Variants in CHLSN observed in about 807,000 individuals in gnomAD.
CHLSN encodes protein cholesin.
At chr7:1,078,969 G>T in the CHLSN span, among the ~76,000 whole-genome samples, 1 of 68,100 alleles carries the variant, frequency 1.5e-5, no homozygotes, top group Non-Finnish European at 4.6e-5. Context: ...GCCGGCTGAG[G>T]AGGCAGCGAG....
the CHLSN span, chr7:985,257 C>T: frequency 5.2e-6 from 8 of 1,551,812 alleles, no homozygotes; most frequent in East Asian, 4.9e-5. Context: ...ACCGGGACCC[C>T]GTGTTTGTGT....
the CHLSN span, chr7:1,058,321 A>G: frequency 5.1e-6 from 4 of 776,944 alleles, no homozygotes; most frequent in Non-Finnish European, 4.8e-6. Context: ...GTGGACGCAC[A>G]CTACCTGGGG....
At chr7:1,055,721 T>G in the CHLSN span, among the ~76,000 whole-genome samples, 2 of 151,718 alleles carry the variant, frequency 1.3e-5, no homozygotes, top group Non-Finnish European at 2.9e-5. Flanking sequence ...GCCGGCCGGG[T>G]GTGCCCTCCT....
At chr7:1,086,016 C>G in the CHLSN span, among the ~76,000 whole-genome samples, 1 of 152,218 alleles carries the variant, frequency 6.6e-6, no homozygotes, top group African/African-American at 2.4e-5. Context: ...CCGCCCAGTG[C>G]CCACAGGAGA....
chr7:1,136,183 A>G, the CHLSN span, among the ~76,000 whole-genome samples: 1 of 97,730 alleles, frequency 1.0e-5, no homozygotes, highest in Non-Finnish European at 1.7e-5. Flanking sequence ...AATATACATA[A>G]TTATAAATAT....
chr7:1,010,881 T>C, the CHLSN span, among the ~76,000 whole-genome samples: 1 of 151,840 alleles, frequency 6.6e-6, no homozygotes, highest in East Asian at 1.9e-4. Context: ...AGAACATCAG[T>C]GTAGACTCCG....
the CHLSN span, among the ~76,000 whole-genome samples, chr7:1,002,658 T>C: frequency 2.2e-5 from 1 of 44,652 alleles, no homozygotes; most frequent in Non-Finnish European, 4.2e-5. Flanking sequence ...TGCGGGTGAG[T>C]GGAGTCCTGC....
the CHLSN span, among the ~76,000 whole-genome samples, chr7:1,113,450 C>T: frequency 2.3e-4 from 35 of 152,126 alleles, no homozygotes; most frequent in African/African-American, 8.4e-4. Flanking sequence ...AGCAGGTGTG[C>T]GACCCACATG....
the CHLSN span, among the ~76,000 whole-genome samples, chr7:1,030,248 G>A: frequency 5.6e-3 from 853 of 152,188 alleles, 12 homozygotes; most frequent in African/African-American, 0.019. Context: ...CCATAAACGC[G>A]CCAATCCTGC....
chr7:1,022,565 A>T, the CHLSN span, among the ~76,000 whole-genome samples: 1 of 151,918 alleles, frequency 6.6e-6, no homozygotes, highest in South Asian at 2.1e-4. Flanking sequence ...GCCCTCCACC[A>T]CCTCCTCCCA....
the CHLSN span, among the ~76,000 whole-genome samples, chr7:1,133,056 G>A: frequency 2.4e-4 from 37 of 152,258 alleles, no homozygotes; most frequent in Non-Finnish European, 5.0e-4. Flanking sequence ...ATGGACGAAG[G>A]GGGAAACAAG....
chr7:1,022,241 G>A, the CHLSN span, among the ~76,000 whole-genome samples: 1 of 152,204 alleles, frequency 6.6e-6, no homozygotes. Flanking sequence ...GGGGAGGCAT[G>A]TCCCCACCCA....
the CHLSN span, among the ~76,000 whole-genome samples, chr7:1,002,558 G>A: frequency 9.9e-6 from 1 of 100,746 alleles, no homozygotes; most frequent in Non-Finnish European, 2.0e-5. Context: ...GGTGAGTGGA[G>A]TCCTGCGGGT....
chr7:983,446 T>A, the CHLSN span: 2 of 1,357,432 alleles, frequency 1.5e-6, no homozygotes, highest in South Asian at 3.4e-5. Flanking sequence ...CTGGCCCCCC[T>A]CCTGGGGAAG....
the CHLSN span, chr7:1,092,044 C>T: frequency 5.0e-6 from 8 of 1,613,890 alleles, no homozygotes; most frequent in East Asian, 1.8e-4. Context: ...GGTGGCGGAC[C>T]TCATCCTGGT....
the CHLSN span, among the ~76,000 whole-genome samples, chr7:1,075,263 C>T: frequency 1.7e-3 from 256 of 152,236 alleles, 2 homozygotes; most frequent in African/African-American, 5.8e-3. Context: ...CCTGTAATCT[C>T]AGCACTTAGG....
chr7:987,856 C>T, the CHLSN span, among the ~76,000 whole-genome samples: 1 of 151,572 alleles, frequency 6.6e-6, no homozygotes, highest in Non-Finnish European at 1.5e-5. Context: ...TGGGGGGGTC[C>T]CCTCTGTGTG....
At chr7:1,031,344 C>T in the CHLSN span, among the ~76,000 whole-genome samples, 3 of 150,246 alleles carry the variant, frequency 2.0e-5, no homozygotes, top group East Asian at 1.9e-4. Flanking sequence ...GCACCACAGG[C>T]GGCTCCTGGG....
the CHLSN span, among the ~76,000 whole-genome samples, chr7:1,135,006 C>T: frequency 1.3e-5 from 2 of 152,204 alleles, no homozygotes; most frequent in Admixed American, 6.5e-5. Context: ...TGGCTAAATC[C>T]CATTGCCAAC....
Sources: gnomAD v4.1 joint callset for allele counts (sites outside exome capture counted in the v4.1 genomes callset) on GRCh38, gnomAD v4.1.1 for gene constraint, MANE v1.5 for transcripts, NCBI Gene and HGNC (gene_info 2026-07-23, HGNC 2026-07-21) for gene names.